PSMB8: variants seen among roughly 807,000 people sequenced by gnomAD.
PSMB8 encodes the protein proteasome 20S subunit beta 8.
PSMB8 carries 20 observed loss-of-function variants against 32.3 expected under a neutral mutation model. The ratio of observed to expected loss-of-function variants is 0.62; its 90% confidence interval spans 0.44 to 0.90. The LOEUF (loss-of-function observed/expected upper bound fraction) is 0.90. Among genes scored for constraint, PSMB8 ranks in the 40% least tolerant of loss-of-function variants. The pLI is 0.00. For missense variants in PSMB8, 342 were observed against 365.4 expected, an observed-to-expected ratio of 0.94 and a Z score of 0.52; for synonymous variants, 131 against 135.4, an observed-to-expected ratio of 0.97 and a Z score of 0.23.
chr6:32,843,422 T>A (rs115675578), intron 1 of PSMB8, among the ~76,000 whole-genome samples: 3,608 of 152,276 alleles, frequency 0.024, 51 homozygotes, highest in African/African-American at 0.027. Context: ...AACAGTATCC[T>A]CACTTTACAG....
At chr6:32,842,916 C>A in intron 2 of PSMB8, 26 bp downstream of exon 2, 1 of 1,613,796 alleles carries the variant, frequency 6.2e-7, no homozygotes, top group East Asian at 2.2e-5. Flanking sequence ...TCCCCAGATT[C>A]TGCCTGCTGG....
Position 32,844,022 on chromosome 6 carries a change from C to G in PSMB8, c.-26G>C. On this transcript the variant is annotated 5_prime_UTR_variant, in exon 1 of 6. Transcript: ENST00000374882. ...GACCGCCCAGCACCCAGAGATCTGT[C>G]CGCTCTCGGAGGAGGAAGTGAAAGC... 6.2e-7 allele frequency: 1 copy of G among 1,605,842 alleles called. No individual in the cohort carries two copies. Among genetic ancestry groups the G allele is most frequent in the Non-Finnish European group, 8.5e-7 (1 of 1,175,062 alleles).
At chr6:32,842,625 G>C (rs769181587) in intron 3 of PSMB8, 47 bp downstream of exon 3, 1 of 1,449,144 alleles carries the variant, frequency 6.9e-7, no homozygotes, top group African/African-American at 1.4e-5. Flanking sequence ...GAGAGATCCA[G>C]GGATTAACCA....
In PSMB8 at chr6:32,842,145, A is replaced by G. The variant is rs1405136722; in HGVS notation, c.526T>C (p.Trp176Arg). 1 of 1,613,056 alleles carries G rather than the reference A, an allele frequency of 6.2e-7. No homozygotes were observed. Among genetic ancestry groups the G allele is most frequent in the Non-Finnish European group, 8.5e-7 (1 of 1,180,052 alleles). Residue 176 changes from tryptophan to arginine, a missense_variant, in exon 4 of 6, where the codon TGG becomes CGG. Transcript: ENST00000374882. ...GLSMGSMICG[W>R]DKKGPGLYYV... is the part of the protein sequence containing the mutation. ...TGGAGAGCACCCACCTTCTTATCCC[A>G]GCCACAGATCATACTGCCCATAGAG...
rs779738355 is a variant in PSMB8, at chr6:32,843,011, G to A, written c.226C>T (p.Leu76Phe). 9 of 1,613,106 alleles carry A rather than the reference G, an allele frequency of 5.6e-6. No homozygotes were observed. The highest frequency in any genetic ancestry group is 7.6e-6 in the Non-Finnish European group (9 of 1,180,038). Residue 76 changes from leucine (L) to phenylalanine (F), a missense_variant, in exon 2 of 6, where the codon CTC becomes TTC. Coordinates refer to ENST00000374882, the MANE Select transcript of PSMB8 (RefSeq NM_148919.4). ...QIEMAHGTTT[L>F]AFKFQHGVIA... Reference sequence around the variant, plus strand: ...ACTCCATGCTGGAACTTGAAGGCGAGCGTGGTGGTGCCATGGGCCATCTCA... The same window carrying A: ...ACTCCATGCTGGAACTTGAAGGCGAACGTGGTGGTGCCATGGGCCATCTCA...
intron 5 of PSMB8, 103 bp from the exon 6 acceptor site, chr6:32,841,150 A>G (rs1332633198): frequency 5.6e-5 from 57 of 1,020,812 alleles, no homozygotes; most frequent in South Asian, 9.0e-5. Context: ...GCGCAAGCTT[A>G]AAACCATATG....
chr6:32,843,070 G>T lies in PSMB8; in HGVS notation c.167C>A (p.Ser56Tyr), dbSNP rs886061310. The T allele has an allele frequency of 6.2e-7, 1 of 1,613,076 alleles. No homozygotes were observed. The highest frequency in any genetic ancestry group is 1.1e-5 in the South Asian group (1 of 91,082). ...RGMQPTEFFQSLGGDGERNVQ... is the reference protein window; with the variant it reads ...RGMQPTEFFQYLGGDGERNVQ... ...GTTCCTTTCTCCGTCCCCACCCAGG[G>T]ACTGGAAGAATTCTGTGGGCTGATA... Residue 56 changes from serine (S) to tyrosine (Y), a missense_variant, in exon 2 of 6, where the codon TCC becomes TAC. Coordinates refer to ENST00000374882, the MANE Select transcript of PSMB8 (RefSeq NM_148919.4).
At chr6:32,842,431 G>A (rs1379254252) in intron 3 of PSMB8, among the ~76,000 whole-genome samples, 168 bp from the exon 4 acceptor site, 1 of 152,240 alleles carries the variant, frequency 6.6e-6, no homozygotes, top group Non-Finnish European at 1.5e-5. Flanking sequence ...AGGCAGCCTA[G>A]TAAATGATAC....
In PSMB8 at chr6:32,842,795, T is replaced by C; in HGVS notation, c.296-12A>G. 3.7e-6 allele frequency: 6 copies of C among 1,612,912 alleles called. No homozygotes were observed. Among genetic ancestry groups the C allele is most frequent in the East Asian group, 2.2e-5 (1 of 44,882 alleles). ...CACCCGTAAGGCACCTGGAAGAAGATGGAGCTTTGGGAGAGAAGGGATGAC... is the reference window on the plus strand; with the variant it reads ...CACCCGTAAGGCACCTGGAAGAAGACGGAGCTTTGGGAGAGAAGGGATGAC... On this transcript the variant is annotated splice_polypyrimidine_tract_variant and intron_variant, in intron 2 of 5. Transcript: ENST00000374882.
chr6:32,844,535 G>T (rs777862922), upstream of PSMB8: 8 of 1,231,424 alleles, frequency 6.5e-6, no homozygotes, highest in Admixed American at 5.5e-5. Flanking sequence ...GGGAGAGGGC[G>T]CAGTCTCTGA....
rs1770127389 is a variant in PSMB8, at chr6:32,843,968, G to A, written c.29C>T (p.Pro10Leu). ...AGCCGATTCCGGCCGCTGCCCTCGGGGGGCTCCGCATACATCTAGTAGCGC... is the reference window on the plus strand; with the variant it reads ...AGCCGATTCCGGCCGCTGCCCTCGGAGGGCTCCGCATACATCTAGTAGCGC... Reference protein sequence around the residue: MALLDVCGAPRGQRPESALP... With the variant: MALLDVCGALRGQRPESALP... Residue 10 changes from proline to leucine, a missense_variant, in exon 1 of 6, where the codon CCC becomes CTC. Pro to Leu is a moderately conservative substitution (Grantham distance 98). Transcript: ENST00000374882. 6.2e-7 allele frequency: 1 copy of A among 1,612,484 alleles called. No individual in the cohort carries two copies. The highest frequency in any genetic ancestry group is 1.1e-5 in the South Asian group (1 of 91,032).
chr6:32,844,619 G>C (rs1770215942), upstream of PSMB8: 1 of 606,324 alleles, frequency 1.6e-6, no homozygotes, highest in Non-Finnish European at 2.9e-6. Flanking sequence ...CCACAAGAGC[G>C]TGCCCTTTCT....
upstream of PSMB8, chr6:32,844,546 ATCTT>A: frequency 2.7e-6 from 3 of 1,102,600 alleles, no homozygotes; most frequent in Non-Finnish European, 4.0e-6. Context: ...CAGTCTCTGA[ATCTT>A]TCCACGGGGT....
intron 5 of PSMB8, among the ~76,000 whole-genome samples, 160 bp downstream of exon 5, chr6:32,841,371 G>A (rs554621423): frequency 5.4e-4 from 82 of 152,268 alleles, no homozygotes; most frequent in Middle Eastern, 3.4e-3. Flanking sequence ...CCAAGTAGCT[G>A]GGACTACAGG....
intron 3 of PSMB8, 121 bp from the exon 4 acceptor site, chr6:32,842,384 A>G: frequency 7.3e-7 from 1 of 1,361,040 alleles, no homozygotes; most frequent in Non-Finnish European, 1.0e-6. Flanking sequence ...TAAAGATCAG[A>G]GAAAGATTTG....
In PSMB8 at chr6:32,842,787, G is replaced by A. The variant is rs2127378189; in HGVS notation, c.296-4C>T. 2 of 1,613,532 alleles carry A rather than the reference G, an allele frequency of 1.2e-6. No homozygotes were observed. Among genetic ancestry groups the A allele is most frequent in the Non-Finnish European group, 1.7e-6 (2 of 1,179,468 alleles). On this transcript the variant is annotated splice_polypyrimidine_tract_variant and splice_region_variant and intron_variant, in intron 2 of 5. Coordinates refer to ENST00000374882, the MANE Select transcript of PSMB8 (RefSeq NM_148919.4). Reference sequence around the variant, plus strand: ...ACCTTGTTCACCCGTAAGGCACCTGGAAGAAGATGGAGCTTTGGGAGAGAA... The same window carrying A: ...ACCTTGTTCACCCGTAAGGCACCTGAAAGAAGATGGAGCTTTGGGAGAGAA...
intron 1 of PSMB8, 28 bp from the exon 2 acceptor site, chr6:32,843,117 G>A (rs1177170547): frequency 6.2e-7 from 1 of 1,612,688 alleles, no homozygotes; most frequent in Admixed American, 1.7e-5. Context: ...GTTGAGAAAG[G>A]CAATGAAAAA....
At chr6:32,844,072 G>C, upstream of PSMB8, 1 of 1,577,624 alleles carries the variant, frequency 6.3e-7, no homozygotes, top group Non-Finnish European at 8.6e-7. Flanking sequence ...GAAGGGGAGG[G>C]AACAAGACTC....
chr6:32,844,192 T>C, upstream of PSMB8: 2 of 1,559,054 alleles, frequency 1.3e-6, no homozygotes, highest in Non-Finnish European at 1.7e-6. Context: ...GTCGGGGGAA[T>C]GATGGGTCAA....
Sources: gnomAD v4.1 joint callset for allele counts (sites outside exome capture counted in the v4.1 genomes callset) on GRCh38, gnomAD v4.1.1 for gene constraint, MANE v1.5 for transcripts, NCBI Gene and HGNC (gene_info 2026-07-23, HGNC 2026-07-21) for gene names.